The following PSMB1 variants were observed in gnomAD, a reference collection of about 807,000 sequenced individuals.
PSMB1 encodes the protein proteasome subunit beta type-1.
PSMB1 carries 7 observed loss-of-function variants against 25.4 expected under a neutral mutation model. The observed-to-expected ratio is 0.28, with a 90% CI of 0.16 to 0.52. PSMB1 has a LOEUF of 0.52. PSMB1 is among the 20% of genes least tolerant of loss of function. PSMB1 has a pLI of 0.97. For synonymous variants in PSMB1, 119 were observed against 115.0 expected, an observed-to-expected ratio of 1.03 and a Z score of -0.22; for missense variants, 284 against 302.2, an observed-to-expected ratio of 0.94 and a Z score of 0.45.
At chr6:170,549,322 G>A in intron 1 of PSMB1, 1 of 487,800 alleles carries the variant, frequency 2.1e-6, no homozygotes, top group Non-Finnish European at 3.6e-6. Flanking sequence ...GCCTAAATCA[G>A]GGCAAAGTCT....
In PSMB1 at chr6:170,540,562, C is replaced by T. The variant is rs969632187; in HGVS notation, c.433+3039G>A. 2.4e-4 allele frequency among the ~76,000 whole-genome samples: 23 copies of T among 93,944 alleles called. No homozygotes were observed. In the Admixed American group the frequency reaches 2.5e-3, roughly 10 times the overall value. 61.6% of individuals were successfully genotyped at this position (93,944 alleles called of 152,430 possible). The stretch of plus-strand genomic sequence containing the variant: ...GGACTTTCATAATCAAATTTTGGTA[C>T]AAGACTCTTCAATGTGAATGGACAG... On this transcript the variant is annotated intron_variant, in intron 4 of 5. Coordinates refer to ENST00000262193, the MANE Select transcript of PSMB1 (RefSeq NM_002793.4).
chr6:170,546,389 T>C (rs1020089268), intron 2 of PSMB1, among the ~76,000 whole-genome samples: 1 of 152,194 alleles, frequency 6.6e-6, no homozygotes, highest in Admixed American at 6.5e-5. Flanking sequence ...ACTTTAAAAA[T>C]GCGACTATGA....
At chr6:170,536,103 A>G (rs1778688107) in intron 5 of PSMB1, among the ~76,000 whole-genome samples, 1 of 152,206 alleles carries the variant, frequency 6.6e-6, no homozygotes, top group Non-Finnish European at 1.5e-5. Context: ...CGGCCTTTGA[A>G]TAACACCGTT....
chr6:170,550,905 G>C (rs1470506381), intron 1 of PSMB1, among the ~76,000 whole-genome samples: 1 of 2,678 alleles, frequency 3.7e-4, no homozygotes, highest in Admixed American at 3.2e-3. Flanking sequence ...GGGAGGCTGA[G>C]GGGGGGGGGG....
At chr6:170,536,332 TA>T (rs535670863) in intron 5 of PSMB1, 1 of 446,732 alleles carries the variant, frequency 2.2e-6, no homozygotes, top group African/African-American at 2.0e-5. Context: ...TATAAAAAGT[TA>T]AAGTGATCTC....
At chr6:170,543,075 T>C (rs1303624102) in intron 4 of PSMB1, among the ~76,000 whole-genome samples, 2 of 152,132 alleles carry the variant, frequency 1.3e-5, no homozygotes, top group African/African-American at 4.8e-5. Context: ...GTAATGCAGC[T>C]CTGGAACAAA....
chr6:170,542,680 G>T (rs918723737), intron 4 of PSMB1, among the ~76,000 whole-genome samples: 1 of 152,144 alleles, frequency 6.6e-6, no homozygotes, highest in Non-Finnish European at 1.5e-5. Flanking sequence ...GCTTTTGACT[G>T]ATTACCCTGA....
intron 4 of PSMB1, among the ~76,000 whole-genome samples, chr6:170,542,298 G>A (rs1778766706): frequency 1.3e-5 from 2 of 152,152 alleles, no homozygotes; most frequent in African/African-American, 2.4e-5. Flanking sequence ...AAAGCGATAG[G>A]AGTCAACAAC....
Position 170,553,142 on chromosome 6 carries a change from A to C in PSMB1, c.101T>G (p.Val34Gly), listed in dbSNP as rs762625742. ...GPLQLRFSPY[V>G]FNGGTILAIA... Reference sequence around the variant, plus strand: ...CTGGGGTTTTTACCCTCCGTTGAAAACGTAGGGCGAAAATCGCAGCTGCAA... The same window carrying C: ...CTGGGGTTTTTACCCTCCGTTGAAACCGTAGGGCGAAAATCGCAGCTGCAA... Residue 34 changes from valine (V) to glycine (G), a missense_variant, in exon 1 of 6, where the codon GTT becomes GGT. Coordinates refer to ENST00000262193, the MANE Select transcript of PSMB1 (RefSeq NM_002793.4). 6.2e-7 allele frequency: 1 copy of C among 1,612,034 alleles called. No individual in the cohort carries two copies. The highest frequency in any genetic ancestry group is 8.5e-7 in the Non-Finnish European group (1 of 1,179,074).
chr6:170,550,834 T>TA (rs1778885346), intron 1 of PSMB1, among the ~76,000 whole-genome samples: 1 of 143,372 alleles, frequency 7.0e-6, no homozygotes, highest in African/African-American at 2.6e-5. Context: ...GGCATAATTA[T>TA]AAGTATTTTA....
At chr6:170,535,441 G>A in intron 5 of PSMB1, 36 bp from the exon 6 acceptor site, 1 of 1,554,432 alleles carries the variant, frequency 6.4e-7, no homozygotes, top group Non-Finnish European at 8.8e-7. Flanking sequence ...GATGTCATGT[G>A]ACAGTGAGCA....
chr6:170,545,953 A>T, intron 3 of PSMB1, 150 bp downstream of exon 3: 3 of 649,586 alleles, frequency 4.6e-6, no homozygotes, highest in Non-Finnish European at 7.9e-6. Flanking sequence ...TGCATTAATG[A>T]TATCATTTCA....
At position 170,550,904 on chromosome 6, in the gene PSMB1, A is replaced by G. The variant is rs370329904; in HGVS notation, c.114-1791T>C. The stretch of plus-strand genomic sequence containing the variant: ...GTAATCCCAACACTTTGGGAGGCTG[A>G]GGGGGGGGGGGGGGGTCAATTGCCT... On this transcript the variant is annotated intron_variant, in intron 1 of 5. Transcript: ENST00000262193. Among the ~76,000 whole-genome samples, 129 of 75,970 alleles carry G rather than the reference A, an allele frequency of 1.7e-3. 3 individuals carry two copies. Among genetic ancestry groups the G allele is most frequent in the African/African-American group, 4.9e-3 (96 of 19,558 alleles). The allele number at this position is 75,970 out of a possible 152,430, so 49.8% of individuals were successfully genotyped here. A position where few individuals can be genotyped will look rare whatever the true frequency, so the allele number is the denominator to read the frequency against.
At chr6:170,539,625 G>T (rs1369592473) in intron 4 of PSMB1, among the ~76,000 whole-genome samples, 1 of 152,118 alleles carries the variant, frequency 6.6e-6, no homozygotes, top group African/African-American at 2.4e-5. Context: ...TACTGGGAAG[G>T]TTATATAAAA....
chr6:170,549,186 G>A, intron 1 of PSMB1, 73 bp from the exon 2 acceptor site: 1 of 785,372 alleles, frequency 1.3e-6, no homozygotes, highest in Non-Finnish European at 2.1e-6. Context: ...ATGCTCCATA[G>A]TACATAATGG....
intron 4 of PSMB1, among the ~76,000 whole-genome samples, chr6:170,542,097 A>T (rs1162717038): frequency 6.6e-6 from 1 of 152,152 alleles, no homozygotes; most frequent in Non-Finnish European, 1.5e-5. Context: ...TATTTTTACT[A>T]TTTCTACACT....
rs1490114967 is a variant in PSMB1 at position 170,535,310 on chromosome 6, C to T, written c.636G>A (p.Glu212=). 1.2e-6 allele frequency: 2 copies of T among 1,614,134 alleles called. No homozygotes were observed. Among genetic ancestry groups the T allele is most frequent in the Non-Finnish European group, 8.5e-7 (1 of 1,179,998 alleles). The stretch of plus-strand genomic sequence containing the variant: ...GTGCGTCCCCAGTGTACACATCTCT[C>T]TCAGCCGCAGAAATGAAGACATCTT... ...LVKDVFISAA[E]RDVYTGDALR... is the part of the protein sequence containing the mutation. Residue 212 remains glutamate (E), a synonymous_variant, in exon 6 of 6, where the codon GAG becomes GAA. Transcript: ENST00000262193.
At chr6:170,543,514 T>C (rs1187870803) in intron 4 of PSMB1, 87 bp downstream of exon 4, 4 of 1,264,750 alleles carry the variant, frequency 3.2e-6, no homozygotes, top group Admixed American at 2.5e-5. Context: ...ATGGTATTTA[T>C]GGTTCTTTTC....
chr6:170,546,344 C>A (rs187683577), intron 2 of PSMB1, among the ~76,000 whole-genome samples, 160 bp from the exon 3 acceptor site: 1 of 152,306 alleles, frequency 6.6e-6, no homozygotes, highest in East Asian at 1.9e-4. Flanking sequence ...TTCCATCTTA[C>A]CCCTTATTCC....
Sources: gnomAD v4.1 joint callset for allele counts (sites outside exome capture counted in the v4.1 genomes callset) on GRCh38, gnomAD v4.1.1 for gene constraint, MANE v1.5 for transcripts, NCBI Gene and HGNC (gene_info 2026-07-23, HGNC 2026-07-21) for gene names.